ZBTB7C: variants seen among roughly 807,000 people sequenced by gnomAD.
The protein encoded by ZBTB7C is zinc finger and BTB domain-containing protein 7C.
Under a neutral mutation model 25.7 loss-of-function variants are expected in ZBTB7C, and 8 were observed. That is an observed-to-expected ratio of 0.31 (90% CI 0.18 to 0.56). ZBTB7C has a LOEUF of 0.56. Ranked by LOEUF, ZBTB7C falls within the 20% of genes least tolerant of loss-of-function variation. The pLI, the probability that ZBTB7C is intolerant of heterozygous loss-of-function variation, is 0.91. For synonymous variants in ZBTB7C, 394 were observed against 369.0 expected (o/e 1.07, Z -0.78); for missense variants, 824 against 855.2 (o/e 0.96, Z 0.46).
At chr18:48,412,016 G>GA (rs1462239431), upstream of ZBTB7C, among the ~76,000 whole-genome samples, 3 of 152,062 alleles carry the variant, frequency 2.0e-5, no homozygotes, top group African/African-American at 7.2e-5. Context: ...ATGTATCCTA[G>GA]AAAAAAAGCA....
At chr18:48,316,190 G>A (rs2045943337) in intron 2 of ZBTB7C, among the ~76,000 whole-genome samples, 1 of 152,164 alleles carries the variant, frequency 6.6e-6, no homozygotes, top group Admixed American at 6.5e-5. Context: ...TCAAAAGAAT[G>A]TTACTAAAAA....
At chr18:48,071,737 C>T (rs1040334671) in intron 3 of ZBTB7C, among the ~76,000 whole-genome samples, 2 of 152,162 alleles carry the variant, frequency 1.3e-5, no homozygotes, top group Non-Finnish European at 2.9e-5. Context: ...TGGAAACAAA[C>T]CGAAGTCCAT....
intron 2 of ZBTB7C, among the ~76,000 whole-genome samples, chr18:48,250,350 AAACTC>A: frequency 6.6e-6 from 1 of 152,268 alleles, no homozygotes; most frequent in African/African-American, 2.4e-5. Context: ...CAAGTTAGTT[AAACTC>A]TCTGCGCCTC....
chr18:48,400,022 C>A (rs1012259750), intron 1 of ZBTB7C, among the ~76,000 whole-genome samples: 21 of 152,108 alleles, frequency 1.4e-4, no homozygotes, highest in Non-Finnish European at 2.9e-4. Context: ...GGCTGCCATT[C>A]AAAGCCATCT....
intron 1 of ZBTB7C, among the ~76,000 whole-genome samples, chr18:48,397,417 C>A (rs1233858064): frequency 6.6e-6 from 1 of 152,110 alleles, no homozygotes; most frequent in Non-Finnish European, 1.5e-5. Flanking sequence ...AACTTCAGGG[C>A]CAATTTAGGT....
chr18:48,360,818 G>A (rs1464209420), intron 1 of ZBTB7C, among the ~76,000 whole-genome samples: 1 of 152,164 alleles, frequency 6.6e-6, no homozygotes, highest in African/African-American at 2.4e-5. Context: ...TAGATAAGAT[G>A]CAGCAGCTGG....
chr18:48,060,081 G>A (rs947513525), intron 3 of ZBTB7C, among the ~76,000 whole-genome samples: 2 of 152,088 alleles, frequency 1.3e-5, no homozygotes, highest in African/African-American at 4.8e-5. Context: ...CGGGTGGGTG[G>A]AGGTGACCAA....
intron 3 of ZBTB7C, among the ~76,000 whole-genome samples, chr18:48,131,652 C>CT (rs1053958314): frequency 8.2e-4 from 125 of 152,246 alleles, no homozygotes; most frequent in African/African-American, 2.9e-3. Flanking sequence ...AGTACTCAGC[C>CT]ATACAAAGTG....
At chr18:48,066,914 C>T (rs2037351382) in intron 3 of ZBTB7C, among the ~76,000 whole-genome samples, 1 of 152,094 alleles carries the variant, frequency 6.6e-6, no homozygotes, top group African/African-American at 2.4e-5. Context: ...CCAGCCTGGG[C>T]AACATGGTCA....
At chr18:48,340,209 A>AC (rs1363405922) in intron 1 of ZBTB7C, among the ~76,000 whole-genome samples, 1 of 152,242 alleles carries the variant, frequency 6.6e-6, no homozygotes, top group Non-Finnish European at 1.5e-5. Context: ...AACCTAGGAC[A>AC]TTCCTACTTA....
In ZBTB7C at chr18:48,096,413, C is replaced by T. The variant is rs147789966; in HGVS notation, c.-16-55290G>A. 2.6e-4 allele frequency among the ~76,000 whole-genome samples: 40 copies of T among 152,340 alleles called. No homozygotes were observed. The East Asian group carries it at 7.3e-3, about 28-fold the overall frequency. ...GGCACTTAGCGGGAAAGGAAATGGG[C>T]ATCCTGATGACATCAGGGTGGCCAC... On this transcript the variant is annotated intron_variant, in intron 3 of 4. Coordinates refer to ENST00000590800, the MANE Select transcript of ZBTB7C (RefSeq NM_001318841.2).
intron 3 of ZBTB7C, chr18:48,169,975 T>C (rs545399047): frequency 6.6e-6 from 1 of 152,422 alleles, no homozygotes; most frequent in East Asian, 1.9e-4. Context: ...TTTCCCTGAC[T>C]CCATCTACTC....
intron 3 of ZBTB7C, chr18:48,083,784 T>G (rs2038081320): frequency 1.0e-6 from 1 of 962,702 alleles, no homozygotes; most frequent in African/African-American, 1.8e-5. Context: ...GTAAGGAAAC[T>G]CCTTTGTTCC....
intron 3 of ZBTB7C, among the ~76,000 whole-genome samples, chr18:48,093,262 C>T (rs1408752964): frequency 6.6e-6 from 1 of 152,172 alleles, no homozygotes; most frequent in Admixed American, 6.5e-5. Context: ...CGGTTTCTCC[C>T]TTCTTCCTGA....
At chr18:48,033,385 G>A (rs2035842623) in intron 4 of ZBTB7C, among the ~76,000 whole-genome samples, 1 of 152,242 alleles carries the variant, frequency 6.6e-6, no homozygotes, top group Non-Finnish European at 1.5e-5. Context: ...CCCAACCTGA[G>A]GCCTAAGAGG....
intron 3 of ZBTB7C, among the ~76,000 whole-genome samples, chr18:48,105,442 C>G (rs947046719): frequency 1.3e-5 from 2 of 152,154 alleles, no homozygotes; most frequent in Non-Finnish European, 2.9e-5. Flanking sequence ...CATATGGGAT[C>G]GTACCAGGCC....
intron 3 of ZBTB7C, among the ~76,000 whole-genome samples, chr18:48,133,661 T>A (rs2040056244): frequency 6.6e-6 from 1 of 151,698 alleles, no homozygotes; most frequent in African/African-American, 2.4e-5. Flanking sequence ...AAACAAAAAT[T>A]AACAAGCACA....
chr18:48,028,997 A>T lies in ZBTB7C; in HGVS notation c.*263T>A. 2.1e-6 allele frequency: 1 copy of T among 474,594 alleles called. No homozygotes were observed. The highest frequency in any genetic ancestry group is 3.6e-6 in the Non-Finnish European group (1 of 276,404). 29.4% of individuals were successfully genotyped at this position (474,594 alleles called of 1,614,324 possible). ...AGTTCTTTGTGGCATGGGCCGGTGC[A>T]AGTTTCTATATGAGAGCCAGAGAGA... On this transcript the variant is annotated 3_prime_UTR_variant, in exon 5 of 5. Transcript: ENST00000590800.
chr18:48,384,293 T>C (rs745638056), intron 1 of ZBTB7C, among the ~76,000 whole-genome samples: 6 of 152,200 alleles, frequency 3.9e-5, no homozygotes, highest in African/African-American at 7.2e-5. Flanking sequence ...TTGGCAAGCA[T>C]AGCTTTAAGA....
Sources: allele counts gnomAD v4.1 joint callset (sites outside exome capture counted in the v4.1 genomes callset), GRCh38; gene constraint gnomAD v4.1.1; transcripts MANE v1.5; gene names NCBI Gene and HGNC (gene_info 2026-07-23, HGNC 2026-07-21).